Variants in KDM1A observed in about 807,000 individuals in gnomAD.
The protein encoded by KDM1A is lysine demethylase 1A.
A neutral mutation model predicts 109.4 loss-of-function variants in KDM1A; 49 were observed. That is an observed-to-expected ratio of 0.45 (90% CI 0.36 to 0.57). The LOEUF is 0.57. KDM1A is among the 20% of genes least tolerant of loss of function. The pLI is 0.00. For synonymous variants in KDM1A, 380 were observed against 415.4 expected (o/e 0.91, Z 1.04); for missense variants, 668 against 1,116.6 (o/e 0.60, Z 5.73).
rs779979948 is a variant in KDM1A at position 23,053,834 on chromosome 1, A to G, written c.785A>G (p.Tyr262Cys). 3 of 1,577,584 alleles carry G rather than the reference A, an allele frequency of 1.9e-6. No individual in the cohort carries two copies. Among genetic ancestry groups the G allele is most frequent in the Admixed American group, 3.3e-5 (2 of 59,912 alleles). ...ACTCTCCAACAATTAGAAGCACCTTATAACAGTAAGTAGTGTGTTCAATAG... is the reference window on the plus strand; with the variant it reads ...ACTCTCCAACAATTAGAAGCACCTTGTAACAGTAAGTAGTGTGTTCAATAG... ...EATLQQLEAP[Y>C]NSDTVLVHRV... Residue 262 changes from tyrosine to cysteine, a missense_variant, in exon 5 of 21, where the codon TAT becomes TGT. Tyr to Cys is a radical substitution (Grantham distance 194). Coordinates refer to ENST00000400181, the MANE Select transcript of KDM1A (RefSeq NM_001009999.3).
intron 1 of KDM1A, among the ~76,000 whole-genome samples, chr1:23,029,819 T>C (rs941408659): frequency 1.4e-4 from 21 of 152,134 alleles, no homozygotes; most frequent in African/African-American, 5.1e-4. Context: ...TTTGTATTTT[T>C]AGTAGAGAAG....
intron 2 of KDM1A, among the ~76,000 whole-genome samples, chr1:23,042,803 C>T (rs557890555): frequency 6.1e-4 from 92 of 151,106 alleles, no homozygotes; most frequent in South Asian, 6.3e-4. Context: ...GGCTGGAGTG[C>T]GATGGTGTGA....
At chr1:23,052,049 AT>A (rs1472750251) in intron 4 of KDM1A, among the ~76,000 whole-genome samples, 1 of 152,068 alleles carries the variant, frequency 6.6e-6, no homozygotes, top group Admixed American at 6.6e-5. Context: ...CAAAATTGTC[AT>A]TTTTTTGTTT....
intron 10 of KDM1A, 80 bp downstream of exon 10, chr1:23,066,151 C>A: frequency 2.1e-6 from 2 of 962,776 alleles, no homozygotes; most frequent in Non-Finnish European, 3.3e-6. Flanking sequence ...TAAATCTTTT[C>A]CTTTCAAAGA....
At chr1:23,020,044 C>G (rs901712094) in intron 1 of KDM1A, 97 bp downstream of exon 1, 1 of 1,288,734 alleles carries the variant, frequency 7.8e-7, no homozygotes, top group Non-Finnish European at 1.0e-6. Flanking sequence ...TTGGGCCCTG[C>G]GACCACTCAG....
At chr1:23,056,351 T>G (rs960967160) in intron 7 of KDM1A, among the ~76,000 whole-genome samples, 8 of 152,236 alleles carry the variant, frequency 5.3e-5, no homozygotes, top group Non-Finnish European at 1.0e-4. Context: ...GGCAGTTATT[T>G]TTGATGGTGG....
At position 23,044,450 on chromosome 1, in the gene KDM1A, G is replaced by C. The variant is rs370820052; in HGVS notation, c.541G>C (p.Asp181His). The C allele has an allele frequency of 5.6e-5, 90 of 1,612,988 alleles. No individual in the cohort carries two copies. Among genetic ancestry groups the C allele is most frequent in the Non-Finnish European group, 7.2e-5 (85 of 1,179,758 alleles). Residue 181 changes from aspartate to histidine, a missense_variant, in exon 3 of 21, where the codon GAC becomes CAC. Coordinates refer to ENST00000400181, the MANE Select transcript of KDM1A (RefSeq NM_001009999.3). ...PSGQAGGLQD[D>H]SSGGYGDGQA... ...AGGGCAAGCAGGAGGACTTCAAGAC[G>C]ACAGTTCTGGAGGGTATGGAGACGG...
At chr1:23,053,448 C>T (rs1027687392) in intron 4 of KDM1A, among the ~76,000 whole-genome samples, 1 of 152,098 alleles carries the variant, frequency 6.6e-6, no homozygotes, top group Admixed American at 6.5e-5. Context: ...TACAGTGGTA[C>T]GATCATGGCT....
chr1:23,037,590 T>C (rs925821256), intron 2 of KDM1A, among the ~76,000 whole-genome samples: 1 of 152,212 alleles, frequency 6.6e-6, no homozygotes, highest in African/African-American at 2.4e-5. Context: ...TTTTCAAGAA[T>C]ACAATGTATT....
At chr1:23,034,612 A>G (rs1167945479) in intron 2 of KDM1A, among the ~76,000 whole-genome samples, 1 of 152,054 alleles carries the variant, frequency 6.6e-6, no homozygotes, top group Non-Finnish European at 1.5e-5. Context: ...TTATTTTCAC[A>G]TGGAAACATG....
At chr1:23,077,424 G>T in intron 16 of KDM1A, 64 bp downstream of exon 16, 1 of 1,522,532 alleles carries the variant, frequency 6.6e-7, no homozygotes, top group Non-Finnish European at 8.9e-7. Context: ...TCTTTTGTTA[G>T]GTGCGACCTA....
chr1:23,037,230 A>G (rs1409928454), intron 2 of KDM1A, among the ~76,000 whole-genome samples: 1 of 150,804 alleles, frequency 6.6e-6, no homozygotes, highest in Non-Finnish European at 1.5e-5. Flanking sequence ...CTTGAACCGG[A>G]GAGGCAGAGG....
At chr1:23,057,410 C>A in intron 7 of KDM1A, 74 bp from the exon 8 acceptor site, 1 of 1,049,756 alleles carries the variant, frequency 9.5e-7, no homozygotes, top group Admixed American at 1.7e-5. Flanking sequence ...GAAGACAGAG[C>A]CGTGGTATGG....
intron 12 of KDM1A, 46 bp downstream of exon 12, chr1:23,069,197 G>A (rs1643236942): frequency 4.1e-6 from 5 of 1,225,524 alleles, no homozygotes; most frequent in Non-Finnish European, 5.8e-6. Context: ...TTTAATAGGA[G>A]AAAAAGTCTT....
chr1:23,057,529 G>A lies in KDM1A; in HGVS notation c.1036G>A (p.Val346Ile). The change falls in exon 8 of 21, where the codon GTA (valine) becomes ATA (isoleucine). Residue 346 changes from valine (V) to isoleucine (I), a missense_variant. Val to Ile is a conservative substitution (Grantham distance 29). Coordinates refer to ENST00000400181, the MANE Select transcript of KDM1A (RefSeq NM_001009999.3). ...TGCCACATTTCGCAAAGGAAACTATGTAGCTGATCTTGGAGCCATGGTGGT... is the reference window on the plus strand; with the variant it reads ...TGCCACATTTCGCAAAGGAAACTATATAGCTGATCTTGGAGCCATGGTGGT... ...RVATFRKGNY[V>I]ADLGAMVVTG... The A allele has an allele frequency of 6.2e-7, 1 of 1,613,902 alleles. No homozygotes were observed. Among genetic ancestry groups the A allele is most frequent in the Non-Finnish European group, 8.5e-7 (1 of 1,179,874 alleles).
In KDM1A at chr1:23,079,547, T is replaced by C. The variant is rs780922881; in HGVS notation, c.2056-6T>C. On this transcript the variant is annotated splice_region_variant and splice_polypyrimidine_tract_variant and intron_variant, in intron 17 of 20. Transcript: ENST00000400181. The surrounding 1 kb of genome is among the most constrained non-coding windows in gnomAD (Gnocchi z 5.6). ...CACTGGCTCATGTGCTTCTTTCTTA[T>C]GGTAGGTGGTGTTGTGTTTTGATCG... The C allele has an allele frequency of 2.5e-6, 4 of 1,609,158 alleles. No individual in the cohort carries two copies. The South Asian group carries it at 4.4e-5, about 18-fold the overall frequency.
intron 14 of KDM1A, among the ~76,000 whole-genome samples, chr1:23,072,533 G>A (rs1211206263): frequency 1.3e-5 from 2 of 152,178 alleles, no homozygotes; most frequent in East Asian, 1.9e-4. Flanking sequence ...GGAAACTAGC[G>A]GGGTATTATA....
intron 10 of KDM1A, among the ~76,000 whole-genome samples, chr1:23,066,570 T>A (rs147618457): frequency 1.4e-4 from 22 of 152,280 alleles, no homozygotes; most frequent in African/African-American, 5.1e-4. Flanking sequence ...ACACTTGTGT[T>A]TGACACATTC....
At chr1:23,050,365 T>A (rs1302345531) in intron 3 of KDM1A, 22 bp from the exon 4 acceptor site, 1 of 1,589,200 alleles carries the variant, frequency 6.3e-7, no homozygotes, top group Non-Finnish European at 8.5e-7. Flanking sequence ...TTTTCCTAGA[T>A]GTCCTTTGCT....
Sources: gnomAD v4.1 joint callset for allele counts (sites outside exome capture counted in the v4.1 genomes callset) on GRCh38, gnomAD v4.1.1 for gene constraint, Gnocchi (gnomAD v3.1) non-coding constraint, MANE v1.5 for transcripts, NCBI Gene and HGNC (gene_info 2026-07-23, HGNC 2026-07-21) for gene names.